MTMR12: variants seen among roughly 807,000 people sequenced by gnomAD.
MTMR12 encodes myotubularin-related protein 12.
Under a neutral mutation model 96.7 loss-of-function variants are expected in MTMR12, and 33 were observed. That is an observed-to-expected ratio of 0.34 (90% confidence interval 0.26 to 0.46). The LOEUF is 0.46. Ranked by LOEUF, MTMR12 falls within the 20% of genes least tolerant of loss-of-function variation. MTMR12 has a pLI of 1.00. For missense variants in MTMR12, 721 were observed against 896.1 expected, an observed-to-expected ratio of 0.80 and a Z score of 2.49; for synonymous variants, 298 against 327.2, an observed-to-expected ratio of 0.91 and a Z score of 0.96.
At chr5:32,266,485 C>T (rs1213721537) in intron 6 of MTMR12, among the ~76,000 whole-genome samples, 2 of 150,904 alleles carry the variant, frequency 1.3e-5, no homozygotes, top group African/African-American at 2.4e-5. Context: ...GTCAGGAGTT[C>T]GAAATCAGCC....
At chr5:32,300,232 T>A (rs1460571786) in intron 1 of MTMR12, among the ~76,000 whole-genome samples, 1 of 152,198 alleles carries the variant, frequency 6.6e-6, no homozygotes, top group African/African-American at 2.4e-5. Context: ...ACCTAGCAGT[T>A]GTTGAGTATC....
chr5:32,308,379 C>A lies in MTMR12; in HGVS notation c.81+4379G>T, dbSNP rs75771524. Reference sequence around the variant, plus strand: ...TACACCAAGGCAGTTCAGAGAAAGGCAACATGAGGGAAAGCAGTGTAGGAA... The same window carrying A: ...TACACCAAGGCAGTTCAGAGAAAGGAAACATGAGGGAAAGCAGTGTAGGAA... On this transcript the variant is annotated intron_variant, in intron 1 of 15. Transcript: ENST00000382142. Among the ~76,000 whole-genome samples, 1,089 of 151,704 alleles carry A rather than the reference C, an allele frequency of 7.2e-3. 14 individuals are homozygous for A. Among genetic ancestry groups the A allele is most frequent in the African/African-American group, 0.025 (1,030 of 41,362 alleles).
At chr5:32,237,500 T>A (rs945450770) in intron 13 of MTMR12, among the ~76,000 whole-genome samples, 10 of 149,040 alleles carry the variant, frequency 6.7e-5, no homozygotes, top group African/African-American at 2.5e-4. Flanking sequence ...GGCATTAACA[T>A]AACCCTGTGC....
intron 8 of MTMR12, among the ~76,000 whole-genome samples, chr5:32,253,539 G>C (rs986923475): frequency 5.3e-4 from 80 of 152,072 alleles, no homozygotes; most frequent in African/African-American, 1.9e-3. Context: ...CTTTTTTGCT[G>C]TTCATTCACA....
chr5:32,299,573 G>A (rs1751055693), intron 1 of MTMR12, among the ~76,000 whole-genome samples: 1 of 152,194 alleles, frequency 6.6e-6, no homozygotes, highest in East Asian at 1.9e-4. Context: ...TAGGGGAAGA[G>A]CTGGGAGAAG....
At chr5:32,254,663 C>T (rs1197996862) in intron 8 of MTMR12, among the ~76,000 whole-genome samples, 1 of 151,866 alleles carries the variant, frequency 6.6e-6, no homozygotes, top group African/African-American at 2.4e-5. Context: ...GTCAACATGG[C>T]GAAACCCCGT....
chr5:32,274,235 G>T (rs1749962020), intron 2 of MTMR12, 113 bp from the exon 3 acceptor site: 2 of 1,267,940 alleles, frequency 1.6e-6, no homozygotes, highest in African/African-American at 3.0e-5. Flanking sequence ...ATACAACACA[G>T]GGCTTTAGAA....
chr5:32,263,904 G>A (rs957913875), intron 6 of MTMR12, among the ~76,000 whole-genome samples: 3 of 152,190 alleles, frequency 2.0e-5, no homozygotes, highest in Admixed American at 1.3e-4. Flanking sequence ...AATATTTTTA[G>A]CCCTGCCAAT....
At chr5:32,249,901 C>T (rs1181275902) in intron 8 of MTMR12, among the ~76,000 whole-genome samples, 3 of 152,220 alleles carry the variant, frequency 2.0e-5, no homozygotes, top group Non-Finnish European at 4.4e-5. Flanking sequence ...AAAGGCCTGG[C>T]TAAGTGCTTG....
At chr5:32,307,063 G>A (rs1751391152) in intron 1 of MTMR12, among the ~76,000 whole-genome samples, 1 of 152,130 alleles carries the variant, frequency 6.6e-6, no homozygotes, top group Non-Finnish European at 1.5e-5. Context: ...GGTGAAAAAG[G>A]CAGATTACAA....
At chr5:32,261,742 A>C (rs557490519) in intron 7 of MTMR12, among the ~76,000 whole-genome samples, 106 of 152,316 alleles carry the variant, frequency 7.0e-4, no homozygotes, top group Middle Eastern at 3.4e-3. Flanking sequence ...GGCAGTCAAA[A>C]ATTTTTGGTG....
chr5:32,249,267 A>G (rs1396640970), intron 8 of MTMR12, among the ~76,000 whole-genome samples: 1 of 151,944 alleles, frequency 6.6e-6, no homozygotes, highest in African/African-American at 2.4e-5. Context: ...TGTGATGGGT[A>G]TGATTATTTA....
chr5:32,267,377 GAAAAA>G (rs751223074), intron 6 of MTMR12, among the ~76,000 whole-genome samples: 2 of 89,962 alleles, frequency 2.2e-5, no homozygotes, highest in East Asian at 5.7e-4. Flanking sequence ...CTCCATCTCA[GAAAAA>G]AAAAAAAAAA....
intron 11 of MTMR12, among the ~76,000 whole-genome samples, chr5:32,243,193 G>C (rs1748547626): frequency 6.6e-6 from 1 of 152,198 alleles, no homozygotes; most frequent in African/African-American, 2.4e-5. Flanking sequence ...TCAGTGAAAA[G>C]TCAGTATCAC....
intron 7 of MTMR12, among the ~76,000 whole-genome samples, chr5:32,259,441 T>G (rs1581609168): frequency 1.3e-5 from 2 of 152,224 alleles, no homozygotes; most frequent in Admixed American, 1.3e-4. Context: ...GACAGTTCCT[T>G]GTTCTTACCC....
chr5:32,268,590 A>G lies in MTMR12; in HGVS notation c.583+111T>C, dbSNP rs576398877. The G allele has an allele frequency of 9.3e-6, 7 of 750,912 alleles. No homozygotes were observed. The East Asian group carries it at 1.8e-4, about 20-fold the overall frequency. The allele number at this position is 750,912 out of a possible 1,614,324, so 46.5% of individuals were successfully genotyped here. On this transcript the variant is annotated intron_variant, in intron 6 of 15. Transcript: ENST00000382142. ...CAAGCAAGGGGTGACCAATTGGTAG[A>G]GGAGACAGGAAAAAACAAAACAACC...
rs561662515 is a variant in MTMR12, at chr5:32,251,875, G to A, written c.790-2997C>T. Among the ~76,000 whole-genome samples, 28 of 152,298 alleles carry A rather than the reference G, an allele frequency of 1.8e-4. No homozygotes were observed. The South Asian group carries it at 4.2e-3, about 23-fold the overall frequency. Reference sequence around the variant, plus strand: ...GAAGGAAGCTGAGGGAGTTCTTGTCGCTGTCCTGGATCCCACTGGACTAGG... The same window carrying A: ...GAAGGAAGCTGAGGGAGTTCTTGTCACTGTCCTGGATCCCACTGGACTAGG... On this transcript the variant is annotated intron_variant, in intron 8 of 15. Transcript: ENST00000382142.
chr5:32,273,706 G>A (rs753955084), intron 3 of MTMR12, among the ~76,000 whole-genome samples: 33 of 151,962 alleles, frequency 2.2e-4, no homozygotes, highest in African/African-American at 5.6e-4. Flanking sequence ...GAAGGACTCC[G>A]TCCTTTGTGT....
At chr5:32,303,032 G>A (rs1751209879) in intron 1 of MTMR12, among the ~76,000 whole-genome samples, 1 of 152,138 alleles carries the variant, frequency 6.6e-6, no homozygotes. Context: ...AAAGATTTAT[G>A]CACTCTTAAG....
Sources: gnomAD v4.1 joint callset for allele counts (sites outside exome capture counted in the v4.1 genomes callset) on GRCh38, gnomAD v4.1.1 for gene constraint, MANE v1.5 for transcripts, NCBI Gene and HGNC (gene_info 2026-07-23, HGNC 2026-07-21) for gene names.